The following ASIP variants were observed in gnomAD, a reference collection of about 807,000 sequenced individuals.
ASIP encodes the protein agouti signaling protein.
Under a neutral mutation model 10.3 loss-of-function variants are expected in ASIP, and 11 were observed. The ratio of observed to expected loss-of-function variants is 1.07; its 90% CI spans 0.68 to 1.78. The LOEUF is 1.78. Ranked by LOEUF, ASIP falls within the 40% of genes most tolerant of loss-of-function variation. The pLI, the probability that ASIP is intolerant of heterozygous loss-of-function variation, is 0.00. For synonymous variants in ASIP, 70 were observed against 70.8 expected, an observed-to-expected ratio of 0.99 and a Z score of 0.06; for missense variants, 180 against 169.2, an observed-to-expected ratio of 1.06 and a Z score of -0.35.
At chr20:34,226,359 C>CT (rs1276218806) in intron 1 of ASIP, among the ~76,000 whole-genome samples, 1 of 150,174 alleles carries the variant, frequency 6.7e-6, no homozygotes, top group Non-Finnish European at 1.5e-5. Context: ...TTTTTTTTAA[C>CT]TTTTTTATTT....
At chr20:34,211,837 G>A (rs1432681832) in intron 1 of ASIP, among the ~76,000 whole-genome samples, 5 of 152,088 alleles carry the variant, frequency 3.3e-5, no homozygotes, top group Middle Eastern at 3.2e-3. Flanking sequence ...TCTCTGGGTC[G>A]TTAGCTTTTT....
chr20:34,186,917 G>A, the ASIP span, among the ~76,000 whole-genome samples: 3 of 152,138 alleles, frequency 2.0e-5, no homozygotes, highest in African/African-American at 7.2e-5. Context: ...GGGTTCAAGC[G>A]ATTCTCCTGC....
chr20:34,225,568 A>T (rs937387426), intron 1 of ASIP, among the ~76,000 whole-genome samples: 2 of 152,172 alleles, frequency 1.3e-5, no homozygotes, highest in African/African-American at 4.8e-5. Context: ...AAAAAAAATT[A>T]AAATTACATT....
chr20:34,192,845 A>G (rs1237868136), upstream of ASIP, among the ~76,000 whole-genome samples: 1 of 152,206 alleles, frequency 6.6e-6, no homozygotes, highest in African/African-American at 2.4e-5. Flanking sequence ...TAATAGTTGC[A>G]CATTTTATAA....
At chr20:34,189,551 C>T in the ASIP span, among the ~76,000 whole-genome samples, 2 of 152,104 alleles carry the variant, frequency 1.3e-5, no homozygotes, top group African/African-American at 4.8e-5. Context: ...CCTGCTCCCC[C>T]TAAGTATTAG....
chr20:34,219,864 C>A (rs1329209829), intron 1 of ASIP, among the ~76,000 whole-genome samples: 1 of 152,040 alleles, frequency 6.6e-6, no homozygotes, highest in Non-Finnish European at 1.5e-5. Context: ...CCGAGGCAGG[C>A]GGATCATGAG....
At chr20:34,246,836 C>T (rs550028389) in intron 1 of ASIP, among the ~76,000 whole-genome samples, 1 of 152,244 alleles carries the variant, frequency 6.6e-6, no homozygotes, top group East Asian at 1.9e-4. Flanking sequence ...CACAACTCTT[C>T]TATTTATTTC....
chr20:34,190,892 G>A (rs145161001), upstream of ASIP, among the ~76,000 whole-genome samples: 2 of 152,222 alleles, frequency 1.3e-5, no homozygotes, highest in East Asian at 1.9e-4. Context: ...TCTTTTTCAG[G>A]GAATGTCTTT....
intron 1 of ASIP, among the ~76,000 whole-genome samples, chr20:34,232,188 C>T (rs1459273092): frequency 2.6e-5 from 4 of 152,142 alleles, no homozygotes; most frequent in Non-Finnish European, 5.9e-5. Flanking sequence ...GCTTTTTAAC[C>T]CAGGGAGATA....
At chr20:34,252,253 C>A (rs1045566635) in intron 1 of ASIP, among the ~76,000 whole-genome samples, 1 of 152,246 alleles carries the variant, frequency 6.6e-6, no homozygotes, top group East Asian at 1.9e-4. Flanking sequence ...ACAGAGGACC[C>A]GCACTGGTGC....
chr20:34,223,635 G>T, intron 1 of ASIP, among the ~76,000 whole-genome samples: 1 of 147,406 alleles, frequency 6.8e-6, no homozygotes, highest in Admixed American at 6.6e-5. Flanking sequence ...CCCCGTCCGG[G>T]AGGTGAGGGG....
At position 34,213,545 on chromosome 20, in the gene ASIP, CA is replaced by C; in HGVS notation, c.-11+18790del. The C allele has an allele frequency of 3.3e-6, 5 of 1,533,008 alleles. No homozygotes were observed. In the Admixed American group the frequency reaches 5.6e-5, roughly 17 times the overall value. 95.0% of individuals were successfully genotyped at this position (1,533,008 alleles called of 1,614,324 possible). A position where few individuals can be genotyped will look rare whatever the true frequency, so the allele number is the denominator to read the frequency against. On this transcript the variant is annotated intron_variant, in intron 1 of 3. Transcript: ENST00000568305. ...TCTTCTGCGGGCCAGAGTAGCACTT[CA>C]AAAATTGCATGAAGCAGGGGCATGA...
Position 34,222,984 on chromosome 20 carries a change from A to C in ASIP, c.-11+28224A>C, listed in dbSNP as rs983456337. 3.2e-3 allele frequency among the ~76,000 whole-genome samples: 485 copies of C among 151,806 alleles called. 4 individuals carry two copies. The highest frequency in any genetic ancestry group is 0.011 in the African/African-American group (448 of 41,350). On this transcript the variant is annotated intron_variant, in intron 1 of 3. Transcript: ENST00000568305. ...GCGTGATCTCGGCTCACTACAACCT[A>C]CACCTCCCAGCCACCTGCCTTGGCC...
rs139893947 is a variant in ASIP, at chr20:34,211,985, C to T, written c.-11+17225C>T. Among the ~76,000 whole-genome samples, 155 of 152,144 alleles carry T rather than the reference C, an allele frequency of 1.0e-3. 1 individual carries two copies. Among genetic ancestry groups the T allele is most frequent in the African/African-American group, 3.7e-3 (153 of 41,474 alleles). On this transcript the variant is annotated intron_variant, in intron 1 of 3. Transcript: ENST00000568305. ...TCAGTAATTATCTTCTCAAATATTG[C>T]TTGTGTCCCATTTTCTCTCTCTTAT...
Position 34,267,840 on chromosome 20 carries a change from A to AT in ASIP, c.223-1148dup, listed in dbSNP as rs200775500. Among the ~76,000 whole-genome samples the AT allele has an allele frequency of 4.6e-3, 564 of 122,748 alleles. 14 individuals carry two copies. The Admixed American group carries it at 0.047, about 10-fold the overall frequency. 80.5% of individuals were successfully genotyped at this position (122,748 alleles called of 152,430 possible). A position where few individuals can be genotyped will look rare whatever the true frequency, so the allele number is the denominator to read the frequency against. On this transcript the variant is annotated intron_variant, in intron 3 of 3. Transcript: ENST00000374954. ...GCCACCACACCCAGTTGATAACCAT[A>AT]TTTAAAAAAAAAAAAGGTGCAATTA...
chr20:34,262,730 C>A (rs2035715904), intron 2 of ASIP, 102 bp from the exon 3 acceptor site: 1 of 1,322,640 alleles, frequency 7.6e-7, no homozygotes, highest in Non-Finnish European at 1.1e-6. Flanking sequence ...TTCTCCTCTC[C>A]CTGACCTTGT....
chr20:34,258,013 A>G (rs1424776941), intron 1 of ASIP, among the ~76,000 whole-genome samples: 2 of 151,970 alleles, frequency 1.3e-5, no homozygotes, highest in Admixed American at 1.3e-4. Context: ...GCGTGGTGGC[A>G]AGCACCTGTA....
chr20:34,209,547 G>A (rs1013892960), intron 1 of ASIP, among the ~76,000 whole-genome samples: 1 of 152,250 alleles, frequency 6.6e-6, no homozygotes, highest in Non-Finnish European at 1.5e-5. Flanking sequence ...GCTCAGAGAA[G>A]TCTGCTCCCA....
At chr20:34,220,760 C>T (rs770081872) in intron 1 of ASIP, among the ~76,000 whole-genome samples, 1 of 152,012 alleles carries the variant, frequency 6.6e-6, no homozygotes, top group Non-Finnish European at 1.5e-5. Context: ...TGACAATATA[C>T]GTGTTCTGAA....
Sources: gnomAD v4.1 joint callset for allele counts (sites outside exome capture counted in the v4.1 genomes callset) on GRCh38, gnomAD v4.1.1 for gene constraint, MANE v1.5 for transcripts, NCBI Gene and HGNC (gene_info 2026-07-23, HGNC 2026-07-21) for gene names.